The following PRPF19 variants were observed in gnomAD, a reference collection of about 807,000 sequenced individuals.
PRPF19 encodes the protein pre-mRNA processing factor 19.
Under a neutral mutation model 64.2 loss-of-function variants are expected in PRPF19, and 2 were observed. That is an observed-to-expected ratio of 0.03 (90% CI 0.01 to 0.10). The LOEUF (loss-of-function observed/expected upper bound fraction) is 0.10, where lower values mean the gene tolerates loss of function less well. Ranked by LOEUF, PRPF19 falls within the 10% of genes least tolerant of loss-of-function variation. The pLI is 1.00. For synonymous variants in PRPF19, 226 were observed against 251.6 expected (o/e 0.90, Z 0.96); for missense variants, 314 against 650.0 (o/e 0.48, Z 5.62).
intron 6 of PRPF19, 97 bp from the exon 7 acceptor site, chr11:60,901,637 G>A (rs1296536873): frequency 1.4e-6 from 2 of 1,416,882 alleles, no homozygotes; most frequent in Non-Finnish European, 2.0e-6. Flanking sequence ...GCAGCACCAA[G>A]AACTTGCTAT....
chr11:60,900,994 C>G, intron 8 of PRPF19, 65 bp from the exon 9 acceptor site: 1 of 1,550,354 alleles, frequency 6.5e-7, no homozygotes. Context: ...AGCCACAGAC[C>G]TCCCCTACTG....
At position 60,903,823 on chromosome 11, in the gene PRPF19, C is replaced by G. The variant is rs142289186; in HGVS notation, c.58G>C (p.Val20Leu). The change falls in exon 2 of 16, where the codon GTC becomes CTC. Residue 20 changes from valine (V) to leucine (L), a missense_variant. Val to Leu is a conservative substitution (Grantham distance 32). Coordinates refer to ENST00000227524, the MANE Select transcript of PRPF19 (RefSeq NM_014502.5). ...CGCCGCTCATAAACATGATTAGAGA[C>G]AGGGGATACACATGGGTGCTCCGGC... Reference protein sequence around the residue: ...EVPEHPCVSPVSNHVYERRLI... With the variant: ...EVPEHPCVSPLSNHVYERRLI... 5.3e-5 allele frequency: 85 copies of G among 1,609,604 alleles called. No individual in the cohort carries two copies. The highest frequency in any genetic ancestry group is 6.7e-5 in the Non-Finnish European group (79 of 1,179,130).
chr11:60,900,405 G>A (rs149841983), intron 10 of PRPF19, among the ~76,000 whole-genome samples, 177 bp downstream of exon 10: 2 of 152,294 alleles, frequency 1.3e-5, no homozygotes, highest in East Asian at 3.9e-4. Flanking sequence ...GCTTTAGAAG[G>A]TCTCACGCAG....
chr11:60,903,644 T>C, intron 2 of PRPF19, 68 bp downstream of exon 2: 1 of 1,577,420 alleles, frequency 6.3e-7, no homozygotes, highest in South Asian at 1.2e-5. Context: ...TCCAGTGCAC[T>C]GGCACCACCT....
chr11:60,894,326 T>A (rs536827205), intron 15 of PRPF19, among the ~76,000 whole-genome samples: 62 of 152,380 alleles, frequency 4.1e-4, no homozygotes, highest in Admixed American at 2.6e-3. Flanking sequence ...CAATTAAGTT[T>A]ATGTAATATT....
At chr11:60,892,594 C>T (rs1341628098) in intron 15 of PRPF19, among the ~76,000 whole-genome samples, 1 of 152,182 alleles carries the variant, frequency 6.6e-6, no homozygotes, top group Non-Finnish European at 1.5e-5. Flanking sequence ...TCTATAGTTA[C>T]CATTCCCACT....
chr11:60,891,962 C>T (rs1855864851), intron 15 of PRPF19, among the ~76,000 whole-genome samples: 1 of 152,192 alleles, frequency 6.6e-6, no homozygotes, highest in Admixed American at 6.5e-5. Flanking sequence ...TATCTTGTAT[C>T]CTGCTCACAA....
Position 60,898,427 on chromosome 11 carries a change from A to T in PRPF19, c.1140+114T>A. The T allele has an allele frequency of 6.4e-7, 1 of 1,555,534 alleles. No homozygotes were observed. Among genetic ancestry groups the T allele is most frequent in the East Asian group, 2.3e-5 (1 of 43,150 alleles). ...CCACACCATCATATCACACACGCAC[A>T]GCCAGTGTCTCTCCACCTTCAGGGC... is the stretch of plus-strand genomic sequence containing the variant. On this transcript the variant is annotated intron_variant, in intron 13 of 15. Transcript: ENST00000227524. This position sits in a 1 kb window ranked among gnomAD's most constrained non-coding sequence, Gnocchi z 4.6.
chr11:60,903,319 A>G, intron 3 of PRPF19, 140 bp downstream of exon 3: 1 of 930,570 alleles, frequency 1.1e-6, no homozygotes, highest in Non-Finnish European at 1.6e-6. Flanking sequence ...TGCTGGGGAT[A>G]CAACGAAGAA....
rs1295296266 is a variant in PRPF19, at chr11:60,890,714, G to A, written c.*452C>T. On this transcript the variant is annotated 3_prime_UTR_variant, in exon 16 of 16. Transcript: ENST00000227524. ...AGGTGCTCCTGGTGCAGACAGACAC[G>A]GGGAGGTGGTTATGGTTATTGTTTT... is the stretch of plus-strand genomic sequence containing the variant. 2.2e-5 allele frequency: 10 copies of A among 455,718 alleles called. No individual in the cohort carries two copies. Among genetic ancestry groups the A allele is most frequent in the East Asian group, 6.9e-5 (1 of 14,398 alleles). The allele number at this position is 455,718 out of a possible 1,614,324, so 28.2% of individuals were successfully genotyped here.
At chr11:60,901,177 A>C in intron 8 of PRPF19, 118 bp downstream of exon 8, 1 of 1,184,896 alleles carries the variant, frequency 8.4e-7, no homozygotes, top group Non-Finnish European at 1.2e-6. Context: ...AAACAGCACC[A>C]GGAACAGCGC....
chr11:60,896,865 G>C (rs1855927785), intron 15 of PRPF19, among the ~76,000 whole-genome samples: 2 of 152,036 alleles, frequency 1.3e-5, no homozygotes, highest in South Asian at 4.2e-4. Context: ...TATAGAACAA[G>C]GATGTAAAGA....
chr11:60,898,649 C>A lies in PRPF19; in HGVS notation c.1055-23G>T, dbSNP rs1353696755. On this transcript the variant is annotated intron_variant, in intron 12 of 15. Coordinates refer to ENST00000227524, the MANE Select transcript of PRPF19 (RefSeq NM_014502.5). The surrounding 1 kb of genome is among the most constrained non-coding windows in gnomAD (Gnocchi z 4.6). ...GAGCTGTGGAGGAGGGAAGAGAGAC[C>A]TGTGGTCAGAGCCCACCAGGGAGAG... 4 of 1,613,850 alleles carry A rather than the reference C, an allele frequency of 2.5e-6. No individual in the cohort carries two copies. Among genetic ancestry groups the A allele is most frequent in the Non-Finnish European group, 3.4e-6 (4 of 1,179,980 alleles).
intron 1 of PRPF19, among the ~76,000 whole-genome samples, chr11:60,905,087 TTTCTATGTGCCAAGCACAA>T (rs1353343683): frequency 6.6e-6 from 1 of 152,194 alleles, no homozygotes; most frequent in Non-Finnish European, 1.5e-5. Flanking sequence ...GCATGGCACA[TTTCTATGTGCCAAGCACAA>T]TTCTAGGCAT....
At chr11:60,905,421 TTCTTCCC>T in intron 1 of PRPF19, 2 of 152,248 alleles carry the variant, frequency 1.3e-5, no homozygotes, top group African/African-American at 4.8e-5. Flanking sequence ...TTTCCCTTCC[TTCTTCCC>T]CCTCTTTGGA....
chr11:60,897,728 G>A (rs968379662), intron 15 of PRPF19, 118 bp downstream of exon 15: 2 of 800,214 alleles, frequency 2.5e-6, no homozygotes, highest in African/African-American at 1.7e-5. Flanking sequence ...TGCCTCAGGT[G>A]GTAACAGAAA....
At position 60,898,843 on chromosome 11, in the gene PRPF19, T is replaced by G. The variant is rs1354927317; in HGVS notation, c.1054+19A>C. 1 of 1,575,226 alleles carries G rather than the reference T, an allele frequency of 6.3e-7. No homozygotes were observed. The highest frequency in any genetic ancestry group is 1.4e-5 in the African/African-American group (1 of 73,774). ...ATAAACAGCAAACAAAAAAGCTGAGTGCCTATGAGGCAACTTACAGCAGCC... is the reference window on the plus strand; with the variant it reads ...ATAAACAGCAAACAAAAAAGCTGAGGGCCTATGAGGCAACTTACAGCAGCC... On this transcript the variant is annotated intron_variant, in intron 12 of 15. Coordinates refer to ENST00000227524, the MANE Select transcript of PRPF19 (RefSeq NM_014502.5). The surrounding 1 kb of genome is among the most constrained non-coding windows in gnomAD (Gnocchi z 4.6).
intron 1 of PRPF19, 69 bp downstream of exon 1, chr11:60,906,295 G>T: frequency 6.5e-7 from 1 of 1,533,760 alleles, no homozygotes; most frequent in East Asian, 2.6e-5. Flanking sequence ...GCGCCGCAGC[G>T]GACCGCACAC....
intron 1 of PRPF19, 96 bp from the exon 2 acceptor site, chr11:60,903,957 C>T (rs1399865688): frequency 1.4e-6 from 2 of 1,441,258 alleles, no homozygotes; most frequent in Non-Finnish European, 1.9e-6. Context: ...ACTAGGCATC[C>T]TCACACTCAA....
Sources: gnomAD v4.1 joint callset for allele counts (sites outside exome capture counted in the v4.1 genomes callset) on GRCh38, gnomAD v4.1.1 for gene constraint, Gnocchi (gnomAD v3.1) non-coding constraint, MANE v1.5 for transcripts, NCBI Gene and HGNC (gene_info 2026-07-23, HGNC 2026-07-21) for gene names.